Variants in ABCC6 observed in about 807,000 individuals in gnomAD.
The protein encoded by ABCC6 is ATP-binding cassette sub-family C member 6.
In ABCC6, 126 loss-of-function variants were observed where a neutral mutation model predicts 169.5. The observed-to-expected ratio is 0.74, with a 90% confidence interval of 0.64 to 0.86. The LOEUF (loss-of-function observed/expected upper bound fraction) is 0.86, where lower values mean the gene tolerates loss of function less well. Ranked by LOEUF, ABCC6 falls within the 40% of genes least tolerant of loss-of-function variation. ABCC6 has a pLI of 0.00. For missense variants in ABCC6, 1,733 were observed against 1,927.2 expected (o/e 0.90, Z 1.89); for synonymous variants, 752 against 814.7 (o/e 0.92, Z 1.31).
intron 4 of ABCC6, among the ~76,000 whole-genome samples, chr16:16,217,361 C>A (rs898572895): frequency 1.3e-5 from 2 of 152,178 alleles, no homozygotes; most frequent in African/African-American, 4.8e-5. Context: ...GCCCTGAGGC[C>A]GTCATTCCCT....
At chr16:16,211,564 A>G (rs898443465) in intron 6 of ABCC6, among the ~76,000 whole-genome samples, 11 of 152,186 alleles carry the variant, frequency 7.2e-5, no homozygotes, top group African/African-American at 2.7e-4. Context: ...GAGGTTAAGT[A>G]ACTGTCCAAA....
chr16:16,178,160 T>C (rs1482151671), intron 18 of ABCC6, among the ~76,000 whole-genome samples: 1 of 151,818 alleles, frequency 6.6e-6, no homozygotes, highest in Non-Finnish European at 1.5e-5. Context: ...ACCCTTTCTC[T>C]ACTAAAAATA....
Position 16,188,981 on chromosome 16 carries a change from G to C in ABCC6, c.1636-7C>G, listed in dbSNP as rs763037164. 6.2e-7 allele frequency: 1 copy of C among 1,613,758 alleles called. No individual in the cohort carries two copies. The stretch of plus-strand genomic sequence containing the variant: ...CAAACACCACCAGTGCGACCTGGGG[G>C]GTGGGGGGGACACGTGGGGCAACAG... On this transcript the variant is annotated splice_region_variant and splice_polypyrimidine_tract_variant and intron_variant, in intron 12 of 30. Transcript: ENST00000205557.
rs934672792 is a variant in ABCC6 at position 16,215,769 on chromosome 16, C to T, written c.475-1320G>A. On this transcript the variant is annotated intron_variant, in intron 4 of 30. Coordinates refer to ENST00000205557, the MANE Select transcript of ABCC6 (RefSeq NM_001171.6). ...GATTACAGGCATGAGCCACCGCGCC[C>T]GGCCTGATATATATATTTCTGGATG... Among the ~76,000 whole-genome samples, 19 of 151,786 alleles carry T rather than the reference C, an allele frequency of 1.3e-4. 1 individual carries two copies. In the South Asian group the frequency reaches 1.5e-3, roughly 12 times the overall value.
In ABCC6 at chr16:16,203,487, G is replaced by A. The variant is rs959572384; in HGVS notation, c.921C>T (p.Phe307=). ...GGGTCCCCAGGAGGAAGGTAGAATG[G>A]AACACCTGCCAGATGGCCTTCAGCA... ...RPLLKAIWQV[F]HSTFLLGTLS... The change falls in exon 8 of 31, where the codon TTC becomes TTT. Residue 307 remains phenylalanine (F), a synonymous_variant. Transcript: ENST00000205557. 5.0e-6 allele frequency: 8 copies of A among 1,613,900 alleles called. No individual in the cohort carries two copies. The African/African-American group carries it at 1.1e-4, about 22-fold the overall frequency.
chr16:16,155,883 A>AATAC (rs1468682223), intron 27 of ABCC6: 1 of 151,890 alleles, frequency 6.6e-6, no homozygotes, highest in Admixed American at 6.6e-5. Flanking sequence ...GAGTAAATGT[A>AATAC]ATACAGTGTG....
At chr16:16,150,338 T>C in intron 30 of ABCC6, 97 bp from the exon 31 acceptor site, 6 of 1,578,928 alleles carry the variant, frequency 3.8e-6, no homozygotes, top group Admixed American at 1.8e-5. Context: ...GTTTTCTCCA[T>C]AGAAGTCCTG....
At chr16:16,207,487 T>C (rs1267668490) in intron 7 of ABCC6, among the ~76,000 whole-genome samples, 1 of 152,146 alleles carries the variant, frequency 6.6e-6, no homozygotes, top group Non-Finnish European at 1.5e-5. Context: ...TGACATCATT[T>C]GAGTCCCCTG....
At chr16:16,156,942 C>CA (rs33984541) in intron 27 of ABCC6, among the ~76,000 whole-genome samples, 51,592 of 100,908 alleles carry the variant, frequency 0.51, 13,550 homozygotes, top group Non-Finnish European at 0.58. Flanking sequence ...GACTCTGTCT[C>CA]AAAAAAAAAA....
Position 16,198,044 on chromosome 16 carries a change from C to T in ABCC6, c.1315G>A (p.Val439Ile), listed in dbSNP as rs748770237. 1.9e-6 allele frequency: 3 copies of T among 1,614,082 alleles called. No homozygotes were observed. Among genetic ancestry groups the T allele is most frequent in the Admixed American group, 1.7e-5 (1 of 60,004 alleles). ...GLWLPLVWIV[V>I]CFVYLWQLLG... is the part of the protein sequence containing the mutation. ...ACCTGCCAGAGATAGACGAAGCAGA[C>T]CACGATCCAGACGAGAGGCAGCCAC... Residue 439 changes from valine to isoleucine, a missense_variant, in exon 10 of 31, where the codon GTC becomes ATC. By Grantham distance (29) the Val-to-Ile change is conservative. This residue lies in a region of ABCC6 where 1,601 missense variants were observed against 1,635.5 expected (regional missense o/e 0.98). Coordinates refer to ENST00000205557, the MANE Select transcript of ABCC6 (RefSeq NM_001171.6).
intron 27 of ABCC6, chr16:16,155,649 A>G: frequency 6.4e-6 from 1 of 156,066 alleles, no homozygotes; most frequent in Non-Finnish European, 1.4e-5. Context: ...TCTGTTATCC[A>G]TCTCCCATGC....
chr16:16,181,365 A>G (rs761521170), intron 17 of ABCC6, among the ~76,000 whole-genome samples: 1,200 of 36,780 alleles, frequency 0.033, 10 homozygotes, highest in South Asian at 0.066. Context: ...AAAAAAAAAA[A>G]AAAGAGAAAA....
chr16:16,186,623 T>C (rs2047660686), intron 14 of ABCC6, among the ~76,000 whole-genome samples: 1 of 149,996 alleles, frequency 6.7e-6, no homozygotes, highest in African/African-American at 2.5e-5. Flanking sequence ...TGATGATCTC[T>C]GTCTCCCATC....
Position 16,165,791 on chromosome 16 carries a change from G to GT in ABCC6, c.3137dup (p.Asn1046LysfsTer11). ...CCGTGTCTGTCTCCTTGGAGAAGCGGTTTAGCAGGTGACCAATGGGTGTCC... is the reference window on the plus strand; with the variant it reads ...CCGTGTCTGTCTCCTTGGAGAAGCGGTTTTAGCAGGTGACCAATGGGTGTCC... On this transcript the variant is annotated frameshift_variant, in exon 23 of 31. Transcript: ENST00000205557. LOFTEE classifies it high-confidence loss of function. 6.2e-7 allele frequency: 1 copy of GT among 1,613,746 alleles called. No homozygotes were observed. Among genetic ancestry groups the GT allele is most frequent in the Non-Finnish European group, 8.5e-7 (1 of 1,180,042 alleles).
chr16:16,161,334 C>T (rs2046709026), intron 25 of ABCC6, 104 bp downstream of exon 25: 6 of 1,553,862 alleles, frequency 3.9e-6, no homozygotes, highest in Non-Finnish European at 3.5e-6. Context: ...CTCCACACAC[C>T]ATGTTGGTTT....
At chr16:16,190,515 C>T in intron 11 of ABCC6, 148 bp from the exon 12 acceptor site, 1 of 823,732 alleles carries the variant, frequency 1.2e-6, no homozygotes, top group Non-Finnish European at 2.0e-6. Context: ...GACCCTCACT[C>T]CTGGTCCAAC....
rs535584833 is a variant in ABCC6 at position 16,151,071 on chromosome 16, C to CT, written c.4209-300dup. 4.1e-3 allele frequency among the ~76,000 whole-genome samples: 607 copies of CT among 146,644 alleles called. 2 individuals carry two copies. Among genetic ancestry groups the CT allele is most frequent in the African/African-American group, 0.011 (432 of 40,218 alleles). ...GGCTCTTTTTTTCTTCTTCGTTTTT[C>CT]TTTTTTTTTTTGAGACGGAGTCTTG... On this transcript the variant is annotated intron_variant, in intron 29 of 30. Transcript: ENST00000205557.
In ABCC6 at chr16:16,162,978, C is replaced by T. The variant is rs72664302; in HGVS notation, c.3506+15G>A. 1.3e-5 allele frequency: 21 copies of T among 1,613,956 alleles called. No homozygotes were observed. The highest frequency in any genetic ancestry group is 1.6e-5 in the Non-Finnish European group (19 of 1,179,982). ...GGATGAATTGCAAGGTCTTCTCTGC[C>T]CTGGCTCTTCCTACCTGTCAGCCAC... On this transcript the variant is annotated intron_variant, in intron 24 of 30. Transcript: ENST00000205557.
Position 16,150,182 on chromosome 16 carries a change from G to A in ABCC6, c.4463C>T (p.Ala1488Val). 6.2e-7 allele frequency: 1 copy of A among 1,613,500 alleles called. No homozygotes were observed. Among genetic ancestry groups the A allele is most frequent in the Non-Finnish European group, 8.5e-7 (1 of 1,179,994 alleles). Reference sequence around the variant, plus strand: ...CAGTCTGTAAAACAGGCCCTTCTGGGCCAGCAGCTGGGCCGGGCTGCCGCT... The same window carrying A: ...CAGTCTGTAAAACAGGCCCTTCTGGACCAGCAGCTGGGCCGGGCTGCCGCT... ...AESGSPAQLL[A>V]QKGLFYRLAQ... is the part of the protein sequence containing the mutation. The change falls in exon 31 of 31, where the codon GCC becomes GTC. Residue 1488 changes from alanine to valine, a missense_variant. Physicochemically the swap from Ala to Val is moderately conservative, Grantham distance 64 (BLOSUM62 0). Transcript: ENST00000205557.
Sources: gnomAD v4.1 joint callset for allele counts (sites outside exome capture counted in the v4.1 genomes callset) on GRCh38, gnomAD v4.1.1 for gene constraint, gnomAD v4.1.1 regional missense constraint, MANE v1.5 for transcripts, NCBI Gene and HGNC (gene_info 2026-07-23, HGNC 2026-07-21) for gene names.